The following MMEL1 variants were observed in gnomAD, a reference collection of about 807,000 sequenced individuals.
The protein encoded by MMEL1 is membrane metallo-endopeptidase-like 1.
In MMEL1, 98 loss-of-function variants were observed where a neutral mutation model predicts 117.1. That is an observed-to-expected ratio of 0.84 (90% CI 0.71 to 0.99). The LOEUF is 0.99. MMEL1 is among the 50% of genes least tolerant of loss of function. MMEL1 has a pLI of 0.00. For missense variants in MMEL1, 1,014 were observed against 1,049.1 expected (o/e 0.97, Z 0.46); for synonymous variants, 390 against 415.1 (o/e 0.94, Z 0.74).
chr1:2,591,967 T>C lies in MMEL1; in HGVS notation c.2128A>G (p.Thr710Ala). Residue 710 changes from threonine to alanine, a missense_variant, in exon 22 of 24, where the codon ACC becomes GCC. Coordinates refer to ENST00000378412, the MANE Select transcript of MMEL1 (RefSeq NM_033467.4). ...TTGATGAAGAAGAGCTGCTCATGGG[T>C]GAGATCCAGGCCGGGCAGCTGCTGG... Reference protein sequence around the residue: ...KDQQLPGLDLTHEQLFFINYA... With the variant: ...KDQQLPGLDLAHEQLFFINYA... 1 of 1,613,326 alleles carries C rather than the reference T, an allele frequency of 6.2e-7. No individual in the cohort carries two copies. The highest frequency in any genetic ancestry group is 1.1e-5 in the South Asian group (1 of 91,088).
At position 2,590,927 on chromosome 1, in the gene MMEL1, C is replaced by T. The variant is rs769450297; in HGVS notation, c.*63G>A. 332 of 1,321,704 alleles carry T rather than the reference C, an allele frequency of 2.5e-4. 1 individual carries two copies. The highest frequency in any genetic ancestry group is 3.1e-4 in the Non-Finnish European group (311 of 1,002,454). 81.9% of individuals were successfully genotyped at this position (1,321,704 alleles called of 1,614,324 possible). ...GTACACTGGGTCGCCGCTAGCTGCA[C>T]CTTCGCACAGATGCCTCCGAGCAGC... is the stretch of plus-strand genomic sequence containing the variant. On this transcript the variant is annotated 3_prime_UTR_variant, in exon 24 of 24. Coordinates refer to ENST00000378412, the MANE Select transcript of MMEL1 (RefSeq NM_033467.4).
chr1:2,632,278 C>T (rs1433789938), intron 1 of MMEL1, among the ~76,000 whole-genome samples: 3 of 152,216 alleles, frequency 2.0e-5, no homozygotes, highest in African/African-American at 4.8e-5. Flanking sequence ...CCCCTGGGAA[C>T]GTCAGCTCCA....
At chr1:2,617,414 G>GACTCC (rs1364019656) in intron 2 of MMEL1, among the ~76,000 whole-genome samples, 1 of 124,992 alleles carries the variant, frequency 8.0e-6, no homozygotes, top group Non-Finnish European at 1.6e-5. Context: ...GCGACAGAGA[G>GACTCC]AGACTCCGTC....
intron 11 of MMEL1, among the ~76,000 whole-genome samples, chr1:2,603,297 G>A (rs867570200): frequency 6.6e-6 from 1 of 152,208 alleles, no homozygotes; most frequent in Non-Finnish European, 1.5e-5. Context: ...TGCGCCTCCT[G>A]GGGGAGGAGG....
At chr1:2,608,583 CATAT>C (rs916166855) in intron 6 of MMEL1, among the ~76,000 whole-genome samples, 1 of 151,838 alleles carries the variant, frequency 6.6e-6, no homozygotes, top group Non-Finnish European at 1.5e-5. Context: ...ACACACAGCA[CATAT>C]ATATACAGTA....
Position 2,604,135 on chromosome 1 carries a change from C to CCCCCCCCCAAACCAG in MMEL1, c.951+11_951+12insCTGGTTTGGGGGGGG. 2 of 1,520,158 alleles carry CCCCCCCCCAAACCAG rather than the reference C, an allele frequency of 1.3e-6. No homozygotes were observed. Among genetic ancestry groups the CCCCCCCCCAAACCAG allele is most frequent in the African/African-American group, 1.4e-5 (1 of 73,068 alleles). The allele number at this position is 1,520,158 out of a possible 1,614,324, so 94.2% of individuals were successfully genotyped here. A position where few individuals can be genotyped will look rare whatever the true frequency, so the allele number is the denominator to read the frequency against. On this transcript the variant is annotated intron_variant, in intron 10 of 23. Transcript: ENST00000378412. ...CTCGCTGCCCGCTCCCCACCCGCCC[C>CCCCCCCCCAAACCAG]GGCCCCCTTACCTTGGCCAGCTGTG...
At chr1:2,606,712 A>G (rs1464131598) in intron 7 of MMEL1, among the ~76,000 whole-genome samples, 1 of 151,930 alleles carries the variant, frequency 6.6e-6, no homozygotes, top group Non-Finnish European at 1.5e-5. Flanking sequence ...CTGAGTGTCG[A>G]GCGCTCCTAG....
chr1:2,624,593 C>T (rs763324209), intron 2 of MMEL1, among the ~76,000 whole-genome samples: 3 of 152,202 alleles, frequency 2.0e-5, no homozygotes. Context: ...ATATTGGAGT[C>T]TGCAAAGAAG....
intron 2 of MMEL1, among the ~76,000 whole-genome samples, chr1:2,624,175 C>T (rs755950903): frequency 6.6e-6 from 1 of 152,238 alleles, no homozygotes; most frequent in Non-Finnish European, 1.5e-5. Flanking sequence ...GCAACAGCAA[C>T]TCACCACTCA....
At chr1:2,618,116 TC>T (rs1179738477) in intron 2 of MMEL1, among the ~76,000 whole-genome samples, 2 of 152,254 alleles carry the variant, frequency 1.3e-5, no homozygotes, top group Admixed American at 6.5e-5. Flanking sequence ...GGTTTATTTT[TC>T]CCTACCAAGT....
intron 2 of MMEL1, among the ~76,000 whole-genome samples, chr1:2,624,426 A>C (rs1312935170): frequency 6.6e-6 from 1 of 152,202 alleles, no homozygotes; most frequent in African/African-American, 2.4e-5. Flanking sequence ...CCTCACACTC[A>C]CGCACTGATG....
intron 1 of MMEL1, 91 bp from the exon 2 acceptor site, chr1:2,629,612 G>A (rs1638449949): frequency 8.4e-7 from 1 of 1,192,918 alleles, no homozygotes; most frequent in Non-Finnish European, 1.1e-6. Context: ...GGCTGGGAGC[G>A]GGCGCTGGGT....
chr1:2,619,513 C>G (rs1645256963), intron 2 of MMEL1, among the ~76,000 whole-genome samples: 1 of 151,998 alleles, frequency 6.6e-6, no homozygotes, highest in Non-Finnish European at 1.5e-5. Context: ...CAAAAATTAG[C>G]CAGGCATGGT....
chr1:2,597,331 AC>A (rs987894926), intron 13 of MMEL1, among the ~76,000 whole-genome samples: 5 of 147,002 alleles, frequency 3.4e-5, no homozygotes, highest in Non-Finnish European at 6.0e-5. Context: ...TCTCTGACCT[AC>A]CCCCCCATGG....
rs1255527068 is a variant in MMEL1, at chr1:2,611,317, T to C, written c.256A>G (p.Ser86Gly). ...PRGIPEAQEV[S>G]EVCTTPGCVI... The stretch of plus-strand genomic sequence containing the variant: ...CAGCCAGGGGTGGTGCAGACCTCGC[T>C]CACCTCTTGGGCCTCTGGGATCCCT... The change falls in exon 4 of 24, where the codon AGC becomes GGC. Residue 86 changes from serine to glycine, a missense_variant. Physicochemically the swap from Ser to Gly is moderately conservative, Grantham distance 56. Coordinates refer to ENST00000378412, the MANE Select transcript of MMEL1 (RefSeq NM_033467.4). 1 of 1,565,136 alleles carries C rather than the reference T, an allele frequency of 6.4e-7. No individual in the cohort carries two copies. The highest frequency in any genetic ancestry group is 1.2e-5 in the South Asian group (1 of 84,124).
In MMEL1 at chr1:2,613,208, G is replaced by A. The variant is rs150481818; in HGVS notation, c.155-1004C>T. On this transcript the variant is annotated intron_variant, in intron 2 of 23. Coordinates refer to ENST00000378412, the MANE Select transcript of MMEL1 (RefSeq NM_033467.4). ...AAACAGGGAGAAAGTGCCGCATGCT[G>A]CATACACCGAGGTAAAGTGCTGAAG... 3.1e-3 allele frequency among the ~76,000 whole-genome samples: 478 copies of A among 152,332 alleles called. 5 individuals are homozygous for A. The highest frequency in any genetic ancestry group is 0.011 in the African/African-American group (462 of 41,586).
At chr1:2,605,727 A>T (rs116286701) in intron 8 of MMEL1, 104 bp from the exon 9 acceptor site, 13,508 of 819,562 alleles carry the variant, frequency 0.016, 164 homozygotes, top group Admixed American at 0.025. Context: ...CCCCGTGCAC[A>T]CGTGCTCTGC....
At chr1:2,628,832 C>T (rs1309448568) in intron 2 of MMEL1, among the ~76,000 whole-genome samples, 1 of 152,210 alleles carries the variant, frequency 6.6e-6, no homozygotes, top group Admixed American at 6.5e-5. Flanking sequence ...CTGACCCGGC[C>T]TTGAGCGGGG....
intron 2 of MMEL1, among the ~76,000 whole-genome samples, chr1:2,617,333 A>G (rs1045124710): frequency 1.3e-5 from 2 of 150,640 alleles, no homozygotes; most frequent in African/African-American, 4.9e-5. Context: ...AGGCTGAGGC[A>G]GGAGAATGGC....
Sources: allele counts gnomAD v4.1 joint callset (sites outside exome capture counted in the v4.1 genomes callset), GRCh38; gene constraint gnomAD v4.1.1; transcripts MANE v1.5; gene names NCBI Gene and HGNC (gene_info 2026-07-23, HGNC 2026-07-21).